CIMAP1B: variants seen among roughly 807,000 people sequenced by gnomAD.
CIMAP1B encodes the protein orf2 5' to PD-ECGF/TP.
chr22:50,532,027 G>A, the CIMAP1B span: 1 of 1,348,340 alleles, frequency 7.4e-7, no homozygotes, highest in Non-Finnish European at 9.6e-7. Flanking sequence ...CCGCGATGGG[G>A]CCGCGGGGCC....
At chr22:50,530,510 C>T in the CIMAP1B span, 1 of 1,601,184 alleles carries the variant, frequency 6.2e-7, no homozygotes, top group Non-Finnish European at 8.5e-7. Flanking sequence ...CCAGCGGGGC[C>T]AGGTAGTCCG....
chr22:50,531,039 C>T, the CIMAP1B span: 39 of 1,610,630 alleles, frequency 2.4e-5, no homozygotes, highest in Admixed American at 4.4e-4. Context: ...AGAGCGAGGG[C>T]ACCGTATAGG....
the CIMAP1B span, chr22:50,532,137 G>A: frequency 4.3e-5 from 57 of 1,321,728 alleles, no homozygotes; most frequent in Middle Eastern, 2.9e-4. Context: ...GGTGGCCGCG[G>A]CCCCTGCACC....
chr22:50,532,363 T>G, the CIMAP1B span: 1 of 322,664 alleles, frequency 3.1e-6, no homozygotes, highest in Non-Finnish European at 5.6e-6. Context: ...GACCCAGACT[T>G]GGTGAAGGGA....
the CIMAP1B span, chr22:50,531,050 C>T: frequency 6.2e-7 from 1 of 1,609,878 alleles, no homozygotes; most frequent in Non-Finnish European, 8.5e-7. Flanking sequence ...ACCGTATAGG[C>T]CGCGGGACCT....
the CIMAP1B span, chr22:50,530,511 A>G: frequency 6.2e-7 from 1 of 1,600,922 alleles, no homozygotes; most frequent in Non-Finnish European, 8.5e-7. Flanking sequence ...CAGCGGGGCC[A>G]GGTAGTCCGA....
At chr22:50,532,083 G>C in the CIMAP1B span, 2 of 1,365,244 alleles carry the variant, frequency 1.5e-6, no homozygotes, top group Admixed American at 3.8e-5. Context: ...CCCATAGCGC[G>C]GGTGGGGGGC....
At chr22:50,531,954 G>A in the CIMAP1B span, 1 of 1,323,928 alleles carries the variant, frequency 7.6e-7, no homozygotes, top group African/African-American at 1.5e-5. Flanking sequence ...CAATCCCGGG[G>A]CCTGCCCCTT....
chr22:50,530,434 C>T, the CIMAP1B span: 23 of 1,532,354 alleles, frequency 1.5e-5, no homozygotes, highest in Admixed American at 9.7e-5. Context: ...GATGCGGACT[C>T]GCAGACTTTA....
the CIMAP1B span, chr22:50,531,494 C>T: frequency 7.7e-7 from 1 of 1,291,616 alleles, no homozygotes; most frequent in South Asian, 1.6e-5. Context: ...ACTCGGGGTT[C>T]AGGTCGGGGG....
chr22:50,531,612 C>T, the CIMAP1B span: 3 of 1,405,590 alleles, frequency 2.1e-6, no homozygotes, highest in Non-Finnish European at 2.8e-6. Flanking sequence ...CGTGGGCGGC[C>T]GTAGATGGAG....
At chr22:50,530,426 T>G in the CIMAP1B span, 1 of 1,495,978 alleles carries the variant, frequency 6.7e-7, no homozygotes, top group South Asian at 1.2e-5. Context: ...GCGGACACGA[T>G]GCGGACTCGC....
the CIMAP1B span, chr22:50,530,643 C>T: frequency 6.3e-6 from 10 of 1,583,998 alleles, no homozygotes; most frequent in African/African-American, 5.4e-5. Flanking sequence ...GGACTCTGAT[C>T]CCATCACTCC....
chr22:50,530,610 C>T, the CIMAP1B span: 1 of 1,565,234 alleles, frequency 6.4e-7, no homozygotes, highest in Non-Finnish European at 8.7e-7. Flanking sequence ...ATCCTCTCCG[C>T]GCCGGGACCC....
At chr22:50,531,871 G>C in the CIMAP1B span, 1 of 1,325,260 alleles carries the variant, frequency 7.5e-7, no homozygotes. Context: ...CCCTCTAGCA[G>C]GCACGGTTCA....
the CIMAP1B span, chr22:50,530,646 A>G: frequency 1.3e-6 from 2 of 1,587,098 alleles, no homozygotes; most frequent in Non-Finnish European, 1.7e-6. Flanking sequence ...CTCTGATCCC[A>G]TCACTCCGAC....
the CIMAP1B span, chr22:50,531,233 C>T: frequency 5.6e-6 from 9 of 1,612,516 alleles, no homozygotes; most frequent in South Asian, 1.1e-5. Context: ...TTTCGGGGAG[C>T]AATGGTGTGC....
At chr22:50,531,957 T>C in the CIMAP1B span, 6 of 1,324,380 alleles carry the variant, frequency 4.5e-6, no homozygotes, top group East Asian at 3.1e-5. Flanking sequence ...TCCCGGGGCC[T>C]GCCCCTTCTA....
chr22:50,530,684 T>C, the CIMAP1B span: 5 of 1,608,860 alleles, frequency 3.1e-6, no homozygotes, highest in Non-Finnish European at 4.2e-6. Context: ...CTCCTGACTC[T>C]GACCCTTGAC....
Sources: gnomAD v4.1 joint callset for allele counts on GRCh38, gnomAD v4.1.1 for gene constraint, MANE v1.5 for transcripts, NCBI Gene and HGNC (gene_info 2026-07-23, HGNC 2026-07-21) for gene names.